The following MAP7D3 variants were observed in gnomAD, a reference collection of about 807,000 sequenced individuals.
The protein encoded by MAP7D3 is MAP7 domain containing 3.
MAP7D3 carries 45 observed loss-of-function variants against 62.2 expected under a neutral mutation model. The observed-to-expected ratio is 0.72, with a 90% CI of 0.57 to 0.93. The LOEUF is 0.93. MAP7D3 is among the 40% of genes least tolerant of loss of function. The probability of loss-of-function intolerance (pLI) is 0.00; values close to 1 mark genes in which losing one functional copy is unlikely to be tolerated. For synonymous variants in MAP7D3, 288 were observed against 248.8 expected (o/e 1.16, Z -1.48); for missense variants, 711 against 683.1 (o/e 1.04, Z -0.45).
chrX:136,230,972 C>T lies in MAP7D3; in HGVS notation c.1414-6G>A. 1 of 1,161,443 alleles carries T rather than the reference C, an allele frequency of 8.6e-7. No homozygotes were observed. Among genetic ancestry groups the T allele is most frequent in the Non-Finnish European group, 1.2e-6 (1 of 864,096 alleles). ...TGTTTGTCCATTTCTGATTTCTGAA[C>T]AGATAAACACAGTATGGTAAATTAC... On this transcript the variant is annotated splice_region_variant and splice_polypyrimidine_tract_variant and intron_variant, in intron 8 of 18. Transcript: ENST00000316077.
Position 136,230,904 on chromosome X carries a change from A to C in MAP7D3, c.1476T>G (p.Thr492=). The change falls in exon 9 of 19, where the codon ACT becomes ACG. Residue 492 remains threonine, a synonymous_variant. Transcript: ENST00000316077. ...PIAKKRLSSY[T]ECYKWSSSPE... ...GAGATGATGACCATTTATAACACTC[A>C]GTGTATGATGATAGACGCTTCTTGG... The C allele has an allele frequency of 8.3e-7, 1 of 1,197,759 alleles. No homozygotes were observed. Among genetic ancestry groups the C allele is most frequent in the Non-Finnish European group, 1.1e-6 (1 of 883,131 alleles).
At chrX:136,234,230 T>C (rs1361867011) in intron 7 of MAP7D3, among the ~76,000 whole-genome samples, 1 of 108,945 alleles carries the variant, frequency 9.2e-6, no homozygotes, top group African/African-American at 3.4e-5. Flanking sequence ...GTCCTTTCCA[T>C]TACTGGGTGG....
chrX:136,229,131 C>G (rs1437583069), intron 10 of MAP7D3: 1 of 114,247 alleles, frequency 8.8e-6, no homozygotes, highest in African/African-American at 3.2e-5. Flanking sequence ...CTTAAATACT[C>G]AAACAAATAT....
chrX:136,249,800 C>A (rs779526109), intron 1 of MAP7D3, among the ~76,000 whole-genome samples: 63 of 112,106 alleles, frequency 5.6e-4, no homozygotes, highest in Non-Finnish European at 8.4e-4. Context: ...GTCTAACATG[C>A]GATATTTACA....
chrX:136,251,256 C>T, intron 1 of MAP7D3, 33 bp downstream of exon 1: 1 of 1,112,260 alleles, frequency 9.0e-7, no homozygotes, highest in Non-Finnish European at 1.2e-6. Flanking sequence ...CACGCGGGCC[C>T]GAACCACCCC....
upstream of MAP7D3, among the ~76,000 whole-genome samples, chrX:136,253,427 A>G (rs1238991025): frequency 1.8e-5 from 2 of 112,539 alleles, no homozygotes; most frequent in East Asian, 5.5e-4. Flanking sequence ...GATATAGTCC[A>G]CAAAATAACT....
upstream of MAP7D3, among the ~76,000 whole-genome samples, chrX:136,255,170 C>G (rs1200694542): frequency 8.9e-6 from 1 of 112,117 alleles, no homozygotes. Context: ...GAGCTGAGAT[C>G]GTGCTATTGC....
intron 7 of MAP7D3, among the ~76,000 whole-genome samples, chrX:136,235,886 G>A (rs1188858680): frequency 8.9e-6 from 1 of 112,641 alleles, no homozygotes; most frequent in Non-Finnish European, 1.9e-5. Flanking sequence ...TGAAGCAAGG[G>A]CAAAGCTTTG....
intron 1 of MAP7D3, among the ~76,000 whole-genome samples, chrX:136,249,279 T>C (rs761607827): frequency 2.7e-5 from 3 of 112,522 alleles, no homozygotes; most frequent in Non-Finnish European, 3.8e-5. Context: ...TCCGTAGCTT[T>C]TTCTGCATTG....
intron 7 of MAP7D3, among the ~76,000 whole-genome samples, chrX:136,233,356 C>A (rs2074293279): frequency 9.5e-6 from 1 of 105,745 alleles, no homozygotes; most frequent in Non-Finnish European, 1.9e-5. Flanking sequence ...CTCACTGCAA[C>A]CTCCGCCTCC....
rs573935629 is a variant in MAP7D3, at chrX:136,251,157, C to G, written c.70+132G>C. ...CACTCCGGCGGGGGTGAGGGGAGGA[C>G]CAGATAGCACGAGGCGACTCCAGGG... On this transcript the variant is annotated intron_variant, in intron 1 of 18. Transcript: ENST00000316077. The G allele has an allele frequency of 2.1e-4, 105 of 488,800 alleles. No individual in the cohort carries two copies. The South Asian group carries it at 3.5e-3, about 16-fold the overall frequency. The allele number at this position is 488,800 out of a possible 1,213,427, so 40.3% of individuals were successfully genotyped here.
At chrX:136,235,725 G>C (rs1361772583) in intron 7 of MAP7D3, among the ~76,000 whole-genome samples, 2 of 110,299 alleles carry the variant, frequency 1.8e-5, no homozygotes, top group Non-Finnish European at 3.8e-5. Flanking sequence ...CTCCAGCCTG[G>C]GCAACAGAGC....
upstream of MAP7D3, chrX:136,251,406 G>T (rs1412490678): frequency 9.8e-7 from 1 of 1,021,178 alleles, no homozygotes. Flanking sequence ...ACATTGCGCA[G>T]GCGTCGGCGC....
chrX:136,235,150 T>C lies in MAP7D3; in HGVS notation c.736+1094A>G, dbSNP rs544991039. On this transcript the variant is annotated intron_variant, in intron 7 of 18. Coordinates refer to ENST00000316077, the MANE Select transcript of MAP7D3 (RefSeq NM_024597.4). ...CACACTTGAGGAAAAAAGTTGCACA[T>C]GGCAAAACAACTTTGAGAAAGATTC... Among the ~76,000 whole-genome samples, 34 of 112,521 alleles carry C rather than the reference T, an allele frequency of 3.0e-4. 1 individual carries two copies. The South Asian group carries it at 9.2e-3, about 31-fold the overall frequency.
chrX:136,215,483 C>T (rs2074055382), downstream of MAP7D3, among the ~76,000 whole-genome samples: 1 of 111,933 alleles, frequency 8.9e-6, no homozygotes, highest in Admixed American at 9.4e-5. Context: ...CAGATGGGAC[C>T]GTCTAGTTGC....
At chrX:136,254,241 C>T (rs1422759438), upstream of MAP7D3, among the ~76,000 whole-genome samples, 5 of 107,641 alleles carry the variant, frequency 4.6e-5, no homozygotes, top group Non-Finnish European at 7.7e-5. Context: ...TGCACCCCCA[C>T]GCCCGGCTAA....
upstream of MAP7D3, chrX:136,255,984 A>G (rs963297689): frequency 1.6e-6 from 1 of 610,598 alleles, no homozygotes; most frequent in Non-Finnish European, 2.0e-6. Flanking sequence ...TGAGCTTACC[A>G]ATCTAGCGAA....
At chrX:136,250,850 G>A (rs953959605) in intron 1 of MAP7D3, among the ~76,000 whole-genome samples, 1 of 111,657 alleles carries the variant, frequency 9.0e-6, no homozygotes, top group African/African-American at 3.2e-5. Flanking sequence ...GAGTCCCTGC[G>A]GGCGCCCGCA....
chrX:136,222,338 C>G (rs920741052), intron 15 of MAP7D3, 55 bp downstream of exon 15: 7 of 949,878 alleles, frequency 7.4e-6, no homozygotes, highest in South Asian at 2.1e-5. Context: ...AGCTCAAAAG[C>G]AGAGGAGCCC....
Sources: allele counts gnomAD v4.1 joint callset (sites outside exome capture counted in the v4.1 genomes callset), GRCh38; gene constraint gnomAD v4.1.1; transcripts MANE v1.5; gene names NCBI Gene and HGNC (gene_info 2026-07-23, HGNC 2026-07-21).